PCDHGA8: variants seen among roughly 807,000 people sequenced by gnomAD.
The protein encoded by PCDHGA8 is protocadherin gamma subfamily A, 8, also known as protocadherin gamma-A8.
PCDHGA8 carries 45 observed loss-of-function variants against 59.2 expected under a neutral mutation model. The observed-to-expected ratio is 0.76, with a 90% confidence interval of 0.60 to 0.98. The LOEUF is 0.98. Among genes scored for constraint, PCDHGA8 ranks in the 50% least tolerant of loss-of-function variants. The probability of loss-of-function intolerance (pLI) is 0.00; values close to 1 mark genes in which losing one functional copy is unlikely to be tolerated. For missense variants in PCDHGA8, 1,257 were observed against 1,196.2 expected (o/e 1.05, Z -0.75); for synonymous variants, 531 against 519.0 (o/e 1.02, Z -0.32).
intron 1 of PCDHGA8, chr5:141,404,062 T>G: frequency 6.2e-7 from 1 of 1,613,906 alleles, no homozygotes; most frequent in African/African-American, 1.3e-5. Flanking sequence ...TTCTTTTCAA[T>G]GCTCATGACC....
At position 141,436,706 on chromosome 5, in the gene PCDHGA8, A is replaced by G. The variant is rs149478256; in HGVS notation, c.2424+41469A>G. 3.9e-3 allele frequency among the ~76,000 whole-genome samples: 587 copies of G among 152,318 alleles called. 6 individuals are homozygous for G. Among genetic ancestry groups the G allele is most frequent in the Admixed American group, 0.011 (169 of 15,304 alleles). On this transcript the variant is annotated intron_variant, in intron 1 of 3. Transcript: ENST00000398604. ...TATATTTTCAATGCCAGCACACTCG[A>G]TGTTCTGTTGGGAAAAATAATAATG...
intron 1 of PCDHGA8, chr5:141,400,039 C>T: frequency 6.2e-7 from 1 of 1,613,512 alleles, no homozygotes; most frequent in Non-Finnish European, 8.5e-7. Context: ...CCGCCAGCGC[C>T]TGCTGGTTGC....
In PCDHGA8 at chr5:141,393,592, G is replaced by C; in HGVS notation, c.779G>C (p.Arg260Pro). Reference sequence around the variant, plus strand: ...CTTGAGAACATGCCCCCAGGCACGCGGCTGCTTACTGTAACAGCCAGCGAC... The same window carrying C: ...CTTGAGAACATGCCCCCAGGCACGCCGCTGCTTACTGTAACAGCCAGCGAC... ...KVLENMPPGT[R>P]LLTVTASDPD... The change falls in exon 1 of 4, where the codon CGG (arginine) becomes CCG (proline). Residue 260 changes from arginine to proline, a missense_variant. Transcript: ENST00000398604. 1 of 1,613,908 alleles carries C rather than the reference G, an allele frequency of 6.2e-7. No individual in the cohort carries two copies. Among genetic ancestry groups the C allele is most frequent in the Non-Finnish European group, 8.5e-7 (1 of 1,179,906 alleles).
At chr5:141,471,422 A>T (rs919676109) in intron 1 of PCDHGA8, 5 of 152,176 alleles carry the variant, frequency 3.3e-5, no homozygotes, top group Non-Finnish European at 5.9e-5. Context: ...GTTTTTAGCA[A>T]GGAAAGTGTA....
At chr5:141,464,978 GT>G in intron 1 of PCDHGA8, among the ~76,000 whole-genome samples, 1 of 152,148 alleles carries the variant, frequency 6.6e-6, no homozygotes, top group East Asian at 1.9e-4. Context: ...CTGGCTTCAA[GT>G]GATCCTCCCA....
chr5:141,414,592 G>T, intron 1 of PCDHGA8: 1 of 1,613,920 alleles, frequency 6.2e-7, no homozygotes, highest in Non-Finnish European at 8.5e-7. Flanking sequence ...CGCCAGGGGT[G>T]CCTCCATCTT....
At position 141,409,805 on chromosome 5, in the gene PCDHGA8, C is replaced by A. The variant is rs751397816; in HGVS notation, c.2424+14568C>A. On this transcript the variant is annotated intron_variant, in intron 1 of 3. Transcript: ENST00000398604. ...CGCCTTCGCGCTCACGCTGCAGGCC[C>A]GCGACCACGGCTCGCCCACGCTCAG... is the stretch of plus-strand genomic sequence containing the variant. 14 of 1,611,512 alleles carry A rather than the reference C, an allele frequency of 8.7e-6. No homozygotes were observed. Among genetic ancestry groups the A allele is most frequent in the Middle Eastern group, 1.6e-4 (1 of 6,072 alleles).
rs373446844 is a variant in PCDHGA8, at chr5:141,486,661, G to A, written c.2425-8146G>A. The A allele has an allele frequency of 3.1e-6, 5 of 1,613,836 alleles. No individual in the cohort carries two copies. In the African/African-American group the frequency reaches 4.0e-5, roughly 13 times the overall value. On this transcript the variant is annotated intron_variant, in intron 1 of 3. Transcript: ENST00000398604. The surrounding 1 kb of genome is among the most constrained non-coding windows in gnomAD (Gnocchi z 5.0). The stretch of plus-strand genomic sequence containing the variant: ...CGCTTATCTCCTACTCACTCCTGGA[G>A]CCCAGGAATCGAGATGTATCAGCTT...
chr5:141,478,499 G>A (rs77463374), intron 1 of PCDHGA8: 18 of 1,612,728 alleles, frequency 1.1e-5, no homozygotes, highest in African/African-American at 2.7e-5. Context: ...CTGTGATCCG[G>A]TGTTCTATAG....
intron 2 of PCDHGA8, among the ~76,000 whole-genome samples, chr5:141,499,670 C>T (rs1477227784): frequency 6.6e-6 from 1 of 151,412 alleles, no homozygotes; most frequent in African/African-American, 2.4e-5. Flanking sequence ...TCTTGGTCTC[C>T]ACCATCTTTA....
Position 141,511,126 on chromosome 5 carries a change from G to A in PCDHGA8, c.2752G>A (p.Gly918Ser). The A allele has an allele frequency of 1.9e-6, 3 of 1,614,212 alleles. No individual in the cohort carries two copies. The highest frequency in any genetic ancestry group is 2.2e-5 in the South Asian group (2 of 91,086). The change falls in exon 4 of 4, where the codon GGT becomes AGT. Residue 918 changes from glycine to serine, a missense_variant. Coordinates refer to ENST00000398604, the MANE Select transcript of PCDHGA8 (RefSeq NM_032088.2). ...AGKRDGKAPA[G>S]GNGNKKKSGK... ...CAAGCGGGATGGCAAGGCCCCAGCA[G>A]GTGGCAATGGCAACAAGAAGAAGTC...
chr5:141,451,976 A>T (rs2098729884), intron 1 of PCDHGA8, among the ~76,000 whole-genome samples: 1 of 152,164 alleles, frequency 6.6e-6, no homozygotes, highest in Non-Finnish European at 1.5e-5. Flanking sequence ...TTTTTGCTGT[A>T]GTTTGTTCAT....
chr5:141,492,719 C>A (rs1367632029), intron 1 of PCDHGA8, among the ~76,000 whole-genome samples: 1 of 152,280 alleles, frequency 6.6e-6, no homozygotes, highest in Non-Finnish European at 1.5e-5. Context: ...AGCAGGCGGA[C>A]AGGCAGAGCT....
At chr5:141,412,441 G>A (rs1334085357) in intron 1 of PCDHGA8, 2 of 152,124 alleles carry the variant, frequency 1.3e-5, no homozygotes, top group Non-Finnish European at 2.9e-5. Context: ...GTTAATTAAG[G>A]CTCAGTAAAA....
intron 1 of PCDHGA8, among the ~76,000 whole-genome samples, chr5:141,462,086 A>G (rs993185274): frequency 6.6e-6 from 1 of 151,408 alleles, no homozygotes; most frequent in Non-Finnish European, 1.5e-5. Flanking sequence ...GCCTCCCAAA[A>G]TGCTGGGATT....
intron 1 of PCDHGA8, among the ~76,000 whole-genome samples, chr5:141,464,504 T>A (rs1264652523): frequency 6.6e-6 from 1 of 152,046 alleles, no homozygotes; most frequent in Non-Finnish European, 1.5e-5. Context: ...GATTGCTGCA[T>A]CATAAGGTAA....
At position 141,431,277 on chromosome 5, in the gene PCDHGA8, G is replaced by T; in HGVS notation, c.2424+36040G>T. 6.2e-7 allele frequency: 1 copy of T among 1,614,160 alleles called. No homozygotes were observed. The highest frequency in any genetic ancestry group is 1.3e-5 in the African/African-American group (1 of 75,062). On this transcript the variant is annotated intron_variant, in intron 1 of 3. Transcript: ENST00000398604. This position sits in a 1 kb window ranked among gnomAD's most constrained non-coding sequence, Gnocchi z 4.8. ...AACTCTCTGCAGAGCTACGAGCTCAGCCCGAACACTCACTTCTCCCTCATC... is the reference window on the plus strand; with the variant it reads ...AACTCTCTGCAGAGCTACGAGCTCATCCCGAACACTCACTTCTCCCTCATC...
At chr5:141,421,461 G>C (rs1216014695) in intron 1 of PCDHGA8, 2 of 1,614,034 alleles carry the variant, frequency 1.2e-6, no homozygotes, top group Non-Finnish European at 8.5e-7. Context: ...TTTTCGCTGT[G>C]AATCCGCGAA....
intron 1 of PCDHGA8, chr5:141,417,977 G>T (rs752463782): frequency 1.2e-6 from 2 of 1,613,872 alleles, no homozygotes; most frequent in South Asian, 2.2e-5. Context: ...GATTCCGGAG[G>T]AGCTGGCCAA....
Sources: allele counts gnomAD v4.1 joint callset (sites outside exome capture counted in the v4.1 genomes callset), GRCh38; gene constraint gnomAD v4.1.1; non-coding constraint Gnocchi (gnomAD v3.1); transcripts MANE v1.5; gene names NCBI Gene and HGNC (gene_info 2026-07-23, HGNC 2026-07-21).